TMEM94: variants seen among roughly 807,000 people sequenced by gnomAD.
The protein encoded by TMEM94 is ER Mg2+ ATPase.
Under a neutral mutation model 158.6 loss-of-function variants are expected in TMEM94, and 81 were observed. That is an observed-to-expected ratio of 0.51 (90% CI 0.43 to 0.61). The LOEUF (loss-of-function observed/expected upper bound fraction) is 0.61. Ranked by LOEUF, TMEM94 falls within the 20% of genes least tolerant of loss-of-function variation. TMEM94 has a pLI of 0.00. For missense variants in TMEM94, 1,435 were observed against 1,762.0 expected, an observed-to-expected ratio of 0.81 and a Z score of 3.32; for synonymous variants, 751 against 730.7, an observed-to-expected ratio of 1.03 and a Z score of -0.45.
chr17:75,463,038 AT>A (rs1257671292), intron 1 of TMEM94, among the ~76,000 whole-genome samples: 21 of 1,768 alleles, frequency 0.012, no homozygotes, highest in Non-Finnish European at 0.016. Context: ...AAAAAAAAAA[AT>A]ATATATATAT....
chr17:75,460,700 A>G (rs1200864925), intron 1 of TMEM94, among the ~76,000 whole-genome samples: 2 of 151,928 alleles, frequency 1.3e-5, no homozygotes, highest in East Asian at 1.9e-4. Flanking sequence ...TTTTACAGAG[A>G]CGGTTCTTGC....
At position 75,496,173 on chromosome 17, in the gene TMEM94, C is replaced by A. The variant is rs1310041793; in HGVS notation, c.3053+99C>A. ...GGCTGGGGGTGTGTACTATAGCCGA[C>A]CTCGCCCTGGCTGGGACCAATGCAC... On this transcript the variant is annotated intron_variant, in intron 23 of 31. Transcript: ENST00000314256. 8 of 1,546,848 alleles carry A rather than the reference C, an allele frequency of 5.2e-6. No individual in the cohort carries two copies. The South Asian group carries it at 5.7e-5, about 11-fold the overall frequency.
At chr17:75,461,302 G>A (rs1050867379) in intron 1 of TMEM94, among the ~76,000 whole-genome samples, 136 of 151,826 alleles carry the variant, frequency 9.0e-4, no homozygotes, top group Admixed American at 5.2e-4. Flanking sequence ...GTTTCGCCAT[G>A]TTGGCCATGC....
At chr17:75,459,504 C>T (rs2049997315) in intron 1 of TMEM94, among the ~76,000 whole-genome samples, 1 of 152,162 alleles carries the variant, frequency 6.6e-6, no homozygotes, top group East Asian at 1.9e-4. Context: ...AACCTTAACT[C>T]CTGTAGAAAC....
chr17:75,476,686 G>A (rs1207085023), intron 2 of TMEM94: 1 of 1,535,582 alleles, frequency 6.5e-7, no homozygotes, highest in African/African-American at 1.4e-5. Context: ...TCAGACTCTG[G>A]CCCATGCTCT....
intron 2 of TMEM94, among the ~76,000 whole-genome samples, chr17:75,481,110 A>T (rs1254281580): frequency 3.3e-5 from 5 of 152,190 alleles, no homozygotes; most frequent in Non-Finnish European, 7.4e-5. Flanking sequence ...TTCCTCCCTT[A>T]CAACCCTCCC....
Position 75,489,793 on chromosome 17 carries a change from C to G in TMEM94, c.954+131C>G. On this transcript the variant is annotated intron_variant, in intron 9 of 31. Transcript: ENST00000314256. The surrounding 1 kb of genome is among the most constrained non-coding windows in gnomAD (Gnocchi z 5.0). Reference sequence around the variant, plus strand: ...CTCACGCTTCAGCTTAAGAACACCTCTTTCCAGCTGGGCGTGGGGACTCAG... The same window carrying G: ...CTCACGCTTCAGCTTAAGAACACCTGTTTCCAGCTGGGCGTGGGGACTCAG... The G allele has an allele frequency of 1.3e-6, 1 of 796,088 alleles. No homozygotes were observed. The highest frequency in any genetic ancestry group is 2.1e-6 in the Non-Finnish European group (1 of 483,354). 49.3% of individuals were successfully genotyped at this position (796,088 alleles called of 1,614,324 possible). A position where few individuals can be genotyped will look rare whatever the true frequency, so the allele number is the denominator to read the frequency against.
intron 2 of TMEM94, among the ~76,000 whole-genome samples, chr17:75,477,323 T>C (rs868115882): frequency 2.0e-5 from 3 of 152,312 alleles, no homozygotes; most frequent in Middle Eastern, 3.4e-3. Context: ...GAGTGTATAG[T>C]GGCTGAATCT....
chr17:75,463,647 T>G (rs1598305351), intron 1 of TMEM94, among the ~76,000 whole-genome samples: 1 of 152,342 alleles, frequency 6.6e-6, no homozygotes, highest in South Asian at 2.1e-4. Context: ...CCATTTGTGG[T>G]AGTTTTATAC....
At chr17:75,475,108 G>A (rs1229665396) in intron 2 of TMEM94, among the ~76,000 whole-genome samples, 2 of 152,188 alleles carry the variant, frequency 1.3e-5, no homozygotes, top group Non-Finnish European at 2.9e-5. Flanking sequence ...CAGGAGAGAG[G>A]GGACAGGAGT....
chr17:75,490,193 C>T, intron 9 of TMEM94, 41 bp from the exon 10 acceptor site: 1 of 1,610,714 alleles, frequency 6.2e-7, no homozygotes, highest in South Asian at 1.1e-5. Flanking sequence ...CTCCCCAGGC[C>T]CGGAGCTCAG....
chr17:75,477,781 C>T (rs936851527), intron 2 of TMEM94, among the ~76,000 whole-genome samples: 4 of 151,318 alleles, frequency 2.6e-5, no homozygotes, highest in African/African-American at 7.2e-5. Context: ...GAGGCTGAGG[C>T]GAGCAGATCA....
intron 27 of TMEM94, 23 bp downstream of exon 27, chr17:75,497,885 G>C (rs551607835): frequency 2.5e-6 from 4 of 1,599,268 alleles, no homozygotes; most frequent in East Asian, 4.5e-5. Flanking sequence ...GACCCTGTGA[G>C]CCTTGCAAGT....
chr17:75,457,107 G>A (rs1001195011), intron 1 of TMEM94, among the ~76,000 whole-genome samples: 7 of 152,106 alleles, frequency 4.6e-5, no homozygotes, highest in Non-Finnish European at 8.8e-5. Flanking sequence ...TATTTATTTC[G>A]AGGCCCCTGG....
intron 1 of TMEM94, among the ~76,000 whole-genome samples, chr17:75,464,208 G>T (rs1381157693): frequency 6.6e-6 from 1 of 152,080 alleles, no homozygotes; most frequent in African/African-American, 2.4e-5. Context: ...GGCAAACCAA[G>T]ATTATCATCA....
intron 1 of TMEM94, among the ~76,000 whole-genome samples, chr17:75,461,343 G>A (rs969566955): frequency 1.3e-5 from 2 of 151,612 alleles, no homozygotes; most frequent in East Asian, 1.9e-4. Flanking sequence ...CAGATGATCC[G>A]CCTGCTTCGG....
intron 1 of TMEM94, among the ~76,000 whole-genome samples, chr17:75,459,061 A>C (rs1024594309): frequency 3.3e-5 from 5 of 152,034 alleles, no homozygotes; most frequent in African/African-American, 9.7e-5. Context: ...CGTCTCAAAA[A>C]AAAAAAAACA....
intron 6 of TMEM94, 144 bp from the exon 7 acceptor site, chr17:75,488,615 A>T (rs1027867790): frequency 1.1e-6 from 1 of 907,290 alleles, no homozygotes; most frequent in Non-Finnish European, 1.7e-6. Context: ...CTAAAAGTCT[A>T]GTCCCACAGG....
At chr17:75,483,972 C>T (rs1007245006) in intron 2 of TMEM94, among the ~76,000 whole-genome samples, 2 of 152,034 alleles carry the variant, frequency 1.3e-5, no homozygotes, top group East Asian at 1.9e-4. Flanking sequence ...ATGGGGTAGA[C>T]GGATGGGGAA....
Sources: gnomAD v4.1 joint callset for allele counts (sites outside exome capture counted in the v4.1 genomes callset) on GRCh38, gnomAD v4.1.1 for gene constraint, Gnocchi (gnomAD v3.1) non-coding constraint, MANE v1.5 for transcripts, NCBI Gene and HGNC (gene_info 2026-07-23, HGNC 2026-07-21) for gene names.